AMOTL1: variants seen among roughly 807,000 people sequenced by gnomAD.
AMOTL1 encodes the protein angiomotin like 1, also known as angiomotin-like protein 1.
Under a neutral mutation model 102.9 loss-of-function variants are expected in AMOTL1, and 45 were observed. The ratio of observed to expected loss-of-function variants is 0.44; its 90% CI spans 0.34 to 0.56. The LOEUF (loss-of-function observed/expected upper bound fraction) is 0.56. AMOTL1 is among the 20% of genes least tolerant of loss of function. The probability of loss-of-function intolerance (pLI) is 0.01; values close to 1 mark genes in which losing one functional copy is unlikely to be tolerated. For synonymous variants in AMOTL1, 481 were observed against 484.7 expected, an observed-to-expected ratio of 0.99 and a Z score of 0.10; for missense variants, 1,114 against 1,225.6, an observed-to-expected ratio of 0.91 and a Z score of 1.36.
At chr11:94,729,641 G>A (rs1293683897) in intron 2 of AMOTL1, among the ~76,000 whole-genome samples, 1 of 152,100 alleles carries the variant, frequency 6.6e-6, no homozygotes, top group Non-Finnish European at 1.5e-5. Flanking sequence ...TCAGGTCTAA[G>A]AGTCCGCTCC....
intron 2 of AMOTL1, among the ~76,000 whole-genome samples, chr11:94,739,798 T>TCA (rs1395822227): frequency 6.6e-6 from 1 of 152,176 alleles, no homozygotes; most frequent in Non-Finnish European, 1.5e-5. Context: ...TGCAGAGCAG[T>TCA]CACAGTCAGT....
At chr11:94,740,548 C>T (rs1950505586) in intron 2 of AMOTL1, among the ~76,000 whole-genome samples, 2 of 151,612 alleles carry the variant, frequency 1.3e-5, no homozygotes, top group African/African-American at 4.8e-5. Context: ...CGCGGGAAAA[C>T]TTCGCGGCTC....
chr11:94,717,848 C>T (rs1203004232), intron 1 of AMOTL1, among the ~76,000 whole-genome samples: 1 of 150,966 alleles, frequency 6.6e-6, no homozygotes, highest in Non-Finnish European at 1.5e-5. Flanking sequence ...TAAAAATGGG[C>T]AAAGTACATG....
chr11:94,817,477 T>C (rs1257391003), intron 3 of AMOTL1, among the ~76,000 whole-genome samples: 1 of 152,190 alleles, frequency 6.6e-6, no homozygotes, highest in Admixed American at 6.5e-5. Flanking sequence ...TTTATCCTTC[T>C]TTGGATTATA....
chr11:94,814,685 GC>G (rs1951736777), intron 3 of AMOTL1, among the ~76,000 whole-genome samples: 1 of 152,138 alleles, frequency 6.6e-6, no homozygotes, highest in Non-Finnish European at 1.5e-5. Flanking sequence ...GAGGATGGGA[GC>G]CCACACTTAC....
intron 1 of AMOTL1, among the ~76,000 whole-genome samples, chr11:94,778,462 G>A (rs1171925612): frequency 1.3e-5 from 2 of 152,164 alleles, no homozygotes; most frequent in Admixed American, 6.5e-5. Flanking sequence ...CCACTCACTA[G>A]CTTTATAATC....
In AMOTL1 at chr11:94,771,263, G is replaced by GGA. The variant is rs200602276; in HGVS notation, c.49+2704_49+2705insAG. 2.3e-4 allele frequency among the ~76,000 whole-genome samples: 34 copies of GGA among 146,508 alleles called. 3 individuals carry two copies. The highest frequency in any genetic ancestry group is 5.4e-4 in the Admixed American group (8 of 14,816). ...TTCTTTTCTTTTTGGCGGGGTTGGG[G>GGA]GGGGGGTGCGGTGTGTGGCTATCTG... On this transcript the variant is annotated intron_variant, in intron 1 of 12. Coordinates refer to ENST00000433060, the MANE Select transcript of AMOTL1 (RefSeq NM_130847.3).
At chr11:94,793,437 A>C (rs1486789178) in intron 1 of AMOTL1, among the ~76,000 whole-genome samples, 1 of 152,238 alleles carries the variant, frequency 6.6e-6, no homozygotes, top group African/African-American at 2.4e-5. Context: ...CCTAGGCCCT[A>C]TCCTCAGAGC....
chr11:94,816,632 T>C (rs1470436812), intron 3 of AMOTL1, among the ~76,000 whole-genome samples: 2 of 152,184 alleles, frequency 1.3e-5, no homozygotes, highest in African/African-American at 2.4e-5. Context: ...TAATTAAAGT[T>C]ATCACATCTG....
intron 1 of AMOTL1, among the ~76,000 whole-genome samples, chr11:94,721,247 A>G (rs7104535): frequency 0.75 from 114,157 of 152,080 alleles, 47,086 homozygotes; most frequent in Non-Finnish European, 0.92. Flanking sequence ...CGATTTCACC[A>G]ATTTTGAAGA....
chr11:94,760,895 T>C (rs1162141266), intron 3 of AMOTL1, among the ~76,000 whole-genome samples: 1 of 152,154 alleles, frequency 6.6e-6, no homozygotes, highest in Non-Finnish European at 1.5e-5. Context: ...CCATCCTAGC[T>C]CACTGTAACC....
At chr11:94,862,176 C>T (rs59259003) in intron 9 of AMOTL1, among the ~76,000 whole-genome samples, 2 of 152,090 alleles carry the variant, frequency 1.3e-5, no homozygotes, top group African/African-American at 4.8e-5. Flanking sequence ...GAGCAACTAC[C>T]CTCCCCATTA....
rs535639035 is a variant in AMOTL1 at position 94,779,173 on chromosome 11, G to C, written c.49+10613G>C. 1.4e-4 allele frequency among the ~76,000 whole-genome samples: 21 copies of C among 152,234 alleles called. No homozygotes were observed. The South Asian group carries it at 4.0e-3, about 29-fold the overall frequency. ...TATCATTAGATAAAGTATGAAAAAC[G>C]TAGCCCACAATAAGTCTTTAACTAT... is the stretch of plus-strand genomic sequence containing the variant. On this transcript the variant is annotated intron_variant, in intron 1 of 12. Transcript: ENST00000433060.
intron 8 of AMOTL1, among the ~76,000 whole-genome samples, chr11:94,856,257 A>AT (rs535541923): frequency 3.6e-4 from 54 of 151,380 alleles, no homozygotes; most frequent in South Asian, 6.3e-4. Context: ...CAATCTTATT[A>AT]TTTTTTTTTC....
chr11:94,730,901 C>T (rs1950338568), intron 2 of AMOTL1, among the ~76,000 whole-genome samples: 1 of 152,168 alleles, frequency 6.6e-6, no homozygotes, highest in Non-Finnish European at 1.5e-5. Flanking sequence ...GTGGTTTTCC[C>T]ACTGATGCTT....
intron 7 of AMOTL1, among the ~76,000 whole-genome samples, chr11:94,852,676 T>C (rs1298723691): frequency 7.2e-5 from 11 of 152,238 alleles, no homozygotes; most frequent in Admixed American, 7.2e-4. Context: ...TAAATTATTT[T>C]AACCTTAATT....
At chr11:94,832,311 C>T (rs1205638687) in intron 6 of AMOTL1, among the ~76,000 whole-genome samples, 1 of 152,106 alleles carries the variant, frequency 6.6e-6, no homozygotes, top group Non-Finnish European at 1.5e-5. Flanking sequence ...TTCAGAACAA[C>T]AAAAAGTAAT....
intron 1 of AMOTL1, among the ~76,000 whole-genome samples, chr11:94,714,045 A>G (rs1950058017): frequency 6.6e-6 from 1 of 152,018 alleles, no homozygotes; most frequent in Non-Finnish European, 1.5e-5. Flanking sequence ...TTCTTGATCA[A>G]GCTGAGGAAG....
intron 2 of AMOTL1, among the ~76,000 whole-genome samples, chr11:94,739,804 T>A (rs1039298412): frequency 6.6e-6 from 1 of 152,154 alleles, no homozygotes; most frequent in African/African-American, 2.4e-5. Context: ...GCAGTCACAG[T>A]CAGTCCTGGG....
Sources: allele counts gnomAD v4.1 joint callset (sites outside exome capture counted in the v4.1 genomes callset), GRCh38; gene constraint gnomAD v4.1.1; transcripts MANE v1.5; gene names NCBI Gene and HGNC (gene_info 2026-07-23, HGNC 2026-07-21).